The following CIB4 variants were observed in gnomAD, a reference collection of about 807,000 sequenced individuals.
CIB4 encodes calcium and integrin-binding family member 4.
In CIB4, 25 loss-of-function variants were observed where a neutral mutation model predicts 25.8. The ratio of observed to expected loss-of-function variants is 0.97; its 90% CI spans 0.71 to 1.35. CIB4 has a LOEUF of 1.35. CIB4 is among the 40% of genes most tolerant of loss of function. CIB4 has a pLI of 0.00. For missense variants in CIB4, 235 were observed against 228.2 expected (o/e 1.03, Z -0.19); for synonymous variants, 75 against 81.4 (o/e 0.92, Z 0.42).
intron 3 of CIB4, among the ~76,000 whole-genome samples, chr2:26,607,159 G>A (rs528607989): frequency 2.6e-5 from 4 of 152,264 alleles, no homozygotes; most frequent in South Asian, 2.1e-4. Flanking sequence ...CTGGTCTTGC[G>A]TTGTGGGAGA....
In CIB4 at chr2:26,629,474, G is replaced by T; in HGVS notation, c.122C>A (p.Pro41His). 1 of 1,579,372 alleles carries T rather than the reference G, an allele frequency of 6.3e-7. No homozygotes were observed. The highest frequency in any genetic ancestry group is 8.6e-7 in the Non-Finnish European group (1 of 1,162,250). Residue 41 changes from proline (P) to histidine (H), a missense_variant, in exon 3 of 7, where the codon CCT becomes CAT. Physicochemically the swap from Pro to His is moderately conservative, Grantham distance 77 (BLOSUM62 -2). Coordinates refer to ENST00000288861, the MANE Select transcript of CIB4 (RefSeq NM_001029881.3). ...CGTTGCCTCCTTGTAGTACTTCCCAGGAGGGCAGAGCTTCAGGAAGGTGTC... is the reference window on the plus strand; with the variant it reads ...CGTTGCCTCCTTGTAGTACTTCCCATGAGGGCAGAGCTTCAGGAAGGTGTC... Reference protein sequence around the residue: ...IHDTFLKLCPPGKYYKEATLT... With the variant: ...IHDTFLKLCPHGKYYKEATLT...
At chr2:26,640,233 C>T (rs1669609830) in intron 2 of CIB4, among the ~76,000 whole-genome samples, 1 of 152,242 alleles carries the variant, frequency 6.6e-6, no homozygotes, top group Admixed American at 6.5e-5. Context: ...TCCTTGTTCT[C>T]CTCATTATTC....
At chr2:26,621,403 A>T (rs1285225057) in intron 3 of CIB4, among the ~76,000 whole-genome samples, 2 of 152,174 alleles carry the variant, frequency 1.3e-5, no homozygotes, top group Non-Finnish European at 2.9e-5. Context: ...AATTCCATCT[A>T]AACTCTCAGT....
intron 2 of CIB4, 85 bp downstream of exon 2, chr2:26,640,448 G>A (rs1669613572): frequency 7.1e-7 from 1 of 1,416,596 alleles, no homozygotes; most frequent in Non-Finnish European, 9.8e-7. Flanking sequence ...CACACTCAGG[G>A]ACCAGCGTGA....
At position 26,589,101 on chromosome 2, in the gene CIB4, CTTCTTCCTCTTCTTCT is replaced by C. The variant is rs1558555080; in HGVS notation, c.329-5219_329-5204del. ...TCTTCTTCTTCTTCTTCTTCTTCTT[CTTCTTCCTCTTCTTCT>C]TCTTCTTCTTCTTCTTCTTCTTCTC... On this transcript the variant is annotated intron_variant, in intron 4 of 6. Coordinates refer to ENST00000288861, the MANE Select transcript of CIB4 (RefSeq NM_001029881.3). Among the ~76,000 whole-genome samples the C allele has an allele frequency of 7.7e-5, 9 of 117,158 alleles. 1 individual carries two copies. Among genetic ancestry groups the C allele is most frequent in the African/African-American group, 3.7e-4 (9 of 24,258 alleles). 76.9% of individuals were successfully genotyped at this position (117,158 alleles called of 152,430 possible).
At chr2:26,610,084 C>T (rs909083118) in intron 3 of CIB4, among the ~76,000 whole-genome samples, 1 of 152,180 alleles carries the variant, frequency 6.6e-6, no homozygotes, top group Non-Finnish European at 1.5e-5. Flanking sequence ...CTCCTGGTTC[C>T]GGCCTACTGT....
chr2:26,599,170 G>T (rs1370174273), intron 3 of CIB4, among the ~76,000 whole-genome samples: 2 of 152,172 alleles, frequency 1.3e-5, no homozygotes, highest in Non-Finnish European at 2.9e-5. Flanking sequence ...TCCATTTCAA[G>T]AATAACATGT....
chr2:26,590,079 T>A (rs1365417692), intron 4 of CIB4, among the ~76,000 whole-genome samples: 1 of 151,892 alleles, frequency 6.6e-6, no homozygotes. Context: ...TTTTTTGTAA[T>A]ACCATGGCCA....
At chr2:26,634,196 T>C (rs887587862) in intron 2 of CIB4, among the ~76,000 whole-genome samples, 1 of 152,148 alleles carries the variant, frequency 6.6e-6, no homozygotes, top group African/African-American at 2.4e-5. Flanking sequence ...ATCAAGAACA[T>C]GACAAACCCG....
intron 3 of CIB4, among the ~76,000 whole-genome samples, chr2:26,602,675 C>G (rs190000437): frequency 8.5e-5 from 13 of 152,218 alleles, no homozygotes; most frequent in African/African-American, 3.1e-4. Context: ...AGTGGAGAAA[C>G]TTAGAAATAC....
intron 3 of CIB4, among the ~76,000 whole-genome samples, chr2:26,617,079 G>A (rs1449485158): frequency 6.6e-6 from 1 of 150,866 alleles, no homozygotes; most frequent in Non-Finnish European, 1.5e-5. Flanking sequence ...CGAGACCAGG[G>A]AAGTGGTTTG....
intron 3 of CIB4, among the ~76,000 whole-genome samples, chr2:26,598,923 C>T (rs1668733123): frequency 6.6e-6 from 1 of 152,106 alleles, no homozygotes; most frequent in Non-Finnish European, 1.5e-5. Context: ...TCAGTCCAGC[C>T]CCAGGCAGAC....
chr2:26,632,828 G>C (rs530355144), intron 2 of CIB4, among the ~76,000 whole-genome samples: 1 of 151,964 alleles, frequency 6.6e-6, no homozygotes, highest in East Asian at 1.9e-4. Flanking sequence ...GTCAAAAGGA[G>C]CATTTTGTCA....
chr2:26,629,536 C>G (rs1458612060), intron 2 of CIB4, 30 bp from the exon 3 acceptor site: 6 of 1,472,698 alleles, frequency 4.1e-6, no homozygotes, highest in Non-Finnish European at 5.6e-6. Context: ...GACCGTGTGG[C>G]CGGGGAAAGG....
At chr2:26,625,142 G>A (rs1471199111) in intron 3 of CIB4, among the ~76,000 whole-genome samples, 1 of 152,138 alleles carries the variant, frequency 6.6e-6, no homozygotes, top group Non-Finnish European at 1.5e-5. Flanking sequence ...CAGACTCAGA[G>A]AGTGAGGAGG....
chr2:26,597,801 G>C (rs1483168049), intron 3 of CIB4, among the ~76,000 whole-genome samples: 1 of 151,624 alleles, frequency 6.6e-6, no homozygotes, highest in Non-Finnish European at 1.5e-5. Flanking sequence ...CTCATCTCAC[G>C]GATGTGGAAA....
intron 3 of CIB4, among the ~76,000 whole-genome samples, chr2:26,626,789 C>G (rs1669315374): frequency 6.6e-6 from 1 of 152,106 alleles, no homozygotes; most frequent in Non-Finnish European, 1.5e-5. Context: ...CAGGCCTCAC[C>G]CCACCTGCCC....
chr2:26,617,145 T>TGTGTGTGTGC (rs1381689008), intron 3 of CIB4, among the ~76,000 whole-genome samples: 169 of 139,126 alleles, frequency 1.2e-3, no homozygotes, highest in African/African-American at 4.2e-3. Context: ...TGTGTGTGTG[T>TGTGTGTGTGC]GTGCACGTGA....
At chr2:26,639,729 A>G (rs970003900) in intron 2 of CIB4, among the ~76,000 whole-genome samples, 1 of 152,058 alleles carries the variant, frequency 6.6e-6, no homozygotes, top group Non-Finnish European at 1.5e-5. Context: ...CAAAGTTGTT[A>G]CCTGCCACCA....
Sources: allele counts gnomAD v4.1 joint callset (sites outside exome capture counted in the v4.1 genomes callset), GRCh38; gene constraint gnomAD v4.1.1; transcripts MANE v1.5; gene names NCBI Gene and HGNC (gene_info 2026-07-23, HGNC 2026-07-21).